Variants in CCDC141 observed in about 807,000 individuals in gnomAD.
CCDC141 encodes the protein coiled-coil domain-containing protein 141.
CCDC141 carries 168 observed loss-of-function variants against 181.0 expected under a neutral mutation model. The observed-to-expected ratio is 0.93, with a 90% CI of 0.82 to 1.05. The LOEUF is 1.05. Ranked by LOEUF, CCDC141 falls within the 50% of genes least tolerant of loss-of-function variation. The probability of loss-of-function intolerance (pLI) is 0.00; values close to 1 mark genes in which losing one functional copy is unlikely to be tolerated. For synonymous variants in CCDC141, 666 were observed against 642.3 expected, an observed-to-expected ratio of 1.04 and a Z score of -0.56; for missense variants, 1,902 against 1,788.5, an observed-to-expected ratio of 1.06 and a Z score of -1.14.
chr2:178,861,936 C>T (rs1432853093), intron 17 of CCDC141, among the ~76,000 whole-genome samples: 5 of 152,136 alleles, frequency 3.3e-5, no homozygotes, highest in Non-Finnish European at 7.4e-5. Flanking sequence ...GGGTGTTTTG[C>T]CGTCTGTGCA....
intron 2 of CCDC141, 124 bp downstream of exon 2, chr2:179,047,160 A>G: frequency 2.8e-6 from 2 of 708,748 alleles, no homozygotes; most frequent in Non-Finnish European, 4.1e-6. Flanking sequence ...TGATTTTTCC[A>G]TTATCTACCT....
chr2:179,036,169 T>G (rs1294455136), intron 2 of CCDC141, among the ~76,000 whole-genome samples: 1 of 152,152 alleles, frequency 6.6e-6, no homozygotes, highest in Non-Finnish European at 1.5e-5. Context: ...AGGAGTGTCT[T>G]TTCTAAATTT....
intron 5 of CCDC141, among the ~76,000 whole-genome samples, chr2:178,957,677 T>C (rs1173596639): frequency 6.6e-6 from 1 of 152,192 alleles, no homozygotes. Flanking sequence ...AAGATGTCAG[T>C]AGATTAATGG....
intron 18 of CCDC141, 117 bp downstream of exon 18, chr2:178,856,140 C>T: frequency 8.4e-6 from 7 of 835,264 alleles, no homozygotes; most frequent in Non-Finnish European, 1.2e-5. Flanking sequence ...CTTTGAGTCC[C>T]AATGCTACAA....
intron 2 of CCDC141, among the ~76,000 whole-genome samples, chr2:178,989,458 G>T (rs930791503): frequency 6.6e-6 from 1 of 151,724 alleles, no homozygotes; most frequent in Admixed American, 6.6e-5. Flanking sequence ...GCCAGGTGTG[G>T]TGGTGGGCAC....
At chr2:179,042,302 C>T (rs1346353970) in intron 2 of CCDC141, among the ~76,000 whole-genome samples, 1 of 152,078 alleles carries the variant, frequency 6.6e-6, no homozygotes, top group Non-Finnish European at 1.5e-5. Context: ...ACAATGTGCC[C>T]CAGGATGACT....
chr2:179,039,564 C>A (rs2043237046), intron 2 of CCDC141, among the ~76,000 whole-genome samples: 1 of 152,246 alleles, frequency 6.6e-6, no homozygotes, highest in South Asian at 2.1e-4. Context: ...ACCAGAGAGA[C>A]TTAAGTGTTG....
intron 2 of CCDC141, among the ~76,000 whole-genome samples, chr2:179,045,475 G>A (rs538044105): frequency 7.2e-5 from 11 of 152,098 alleles, no homozygotes; most frequent in Non-Finnish European, 1.3e-4. Flanking sequence ...ATAAACATAC[G>A]TGTGCATATG....
intron 2 of CCDC141, chr2:179,002,309 C>G: frequency 3.6e-6 from 1 of 276,852 alleles, no homozygotes. Context: ...GTTATACAGC[C>G]AGAAGAACTG....
chr2:179,043,781 A>G (rs2043391402), intron 2 of CCDC141, among the ~76,000 whole-genome samples: 1 of 151,986 alleles, frequency 6.6e-6, no homozygotes, highest in Non-Finnish European at 1.5e-5. Flanking sequence ...AAGGATGCCT[A>G]TTCAACACAG....
chr2:178,918,633 G>T, intron 7 of CCDC141, 80 bp downstream of exon 7: 1 of 1,168,042 alleles, frequency 8.6e-7, no homozygotes, highest in Non-Finnish European at 1.2e-6. Context: ...CTTCTGTGAT[G>T]TGCTCCAGTC....
intron 2 of CCDC141, among the ~76,000 whole-genome samples, chr2:178,987,996 G>T (rs1465309222): frequency 6.6e-6 from 1 of 151,598 alleles, no homozygotes; most frequent in African/African-American, 2.4e-5. Context: ...TATAAATCAT[G>T]CTGCTATAAA....
chr2:178,834,217 C>A lies in CCDC141; in HGVS notation c.4549G>T (p.Val1517Phe), dbSNP rs774449715. The A allele has an allele frequency of 1.4e-4, 208 of 1,536,118 alleles. 1 individual carries two copies. Among genetic ancestry groups the A allele is most frequent in the Non-Finnish European group, 1.8e-4 (207 of 1,146,850 alleles). ...TACATTAGGGACACACTAACATAGA[C>A]GACACACAGGGTTATCCAGTTTACT... ...TRVNWITLCV[V>F]YVSVSLMYWL... Residue 1517 changes from valine (V) to phenylalanine (F), a missense_variant, in exon 24 of 24, where the codon GTC (valine) becomes TTC (phenylalanine). Coordinates refer to ENST00000443758, the MANE Select transcript of CCDC141 (RefSeq NM_173648.4).
At chr2:178,976,400 C>T (rs920544422) in intron 3 of CCDC141, among the ~76,000 whole-genome samples, 7 of 152,044 alleles carry the variant, frequency 4.6e-5, no homozygotes, top group Non-Finnish European at 1.0e-4. Flanking sequence ...TTAACACAAT[C>T]GACTGTAGTT....
At chr2:178,890,791 A>G (rs1483885377) in intron 8 of CCDC141, among the ~76,000 whole-genome samples, 1 of 152,200 alleles carries the variant, frequency 6.6e-6, no homozygotes, top group African/African-American at 2.4e-5. Context: ...TCAATTGTAC[A>G]GTGTCATGGG....
intron 2 of CCDC141, among the ~76,000 whole-genome samples, chr2:179,017,709 C>CAGGG (rs2042583327): frequency 6.6e-6 from 1 of 152,120 alleles, no homozygotes; most frequent in African/African-American, 2.4e-5. Context: ...TTTTAAAAAT[C>CAGGG]AGGGCAGTTA....
Position 178,887,699 on chromosome 2 carries a change from T to G in CCDC141, c.1407+828A>C, listed in dbSNP as rs367814355. Among the ~76,000 whole-genome samples the G allele has an allele frequency of 3.3e-5, 5 of 152,236 alleles. No individual in the cohort carries two copies. The East Asian group carries it at 5.8e-4, about 18-fold the overall frequency. On this transcript the variant is annotated intron_variant, in intron 9 of 23. Coordinates refer to ENST00000443758, the MANE Select transcript of CCDC141 (RefSeq NM_173648.4). ...CCCAAGTTTCTGGATTAATAACAGG[T>G]GAGGAAGCAATTTAAATACAGACAT... is the stretch of plus-strand genomic sequence containing the variant.
chr2:178,984,080 C>G (rs1003821076), intron 2 of CCDC141, among the ~76,000 whole-genome samples: 2 of 151,956 alleles, frequency 1.3e-5, no homozygotes, highest in Non-Finnish European at 2.9e-5. Flanking sequence ...GTCGGGTTAC[C>G]CTCAAAGGGA....
chr2:178,836,666 T>C, intron 23 of CCDC141: 1 of 431,228 alleles, frequency 2.3e-6, no homozygotes, highest in African/African-American at 2.0e-5. Flanking sequence ...TTTGGAAATT[T>C]GTTAAATTAT....
Sources: gnomAD v4.1 joint callset for allele counts (sites outside exome capture counted in the v4.1 genomes callset) on GRCh38, gnomAD v4.1.1 for gene constraint, MANE v1.5 for transcripts, NCBI Gene and HGNC (gene_info 2026-07-23, HGNC 2026-07-21) for gene names.